Variants in PARPBP observed in about 807,000 individuals in gnomAD.
PARPBP encodes PARP1 binding protein.
In PARPBP, 52 loss-of-function variants were observed where a neutral mutation model predicts 50.0. The ratio of observed to expected loss-of-function variants is 1.04; its 90% CI spans 0.83 to 1.31. The LOEUF is 1.31. PARPBP is among the 50% of genes most tolerant of loss of function. The pLI, the probability that PARPBP is intolerant of heterozygous loss-of-function variation, is 0.00. For synonymous variants in PARPBP, 244 were observed against 232.1 expected (o/e 1.05, Z -0.47); for missense variants, 697 against 672.0 (o/e 1.04, Z -0.41).
At chr12:102,184,028 CAAAATGAGACTCTATCTG>C (rs1452014820) in intron 9 of PARPBP, among the ~76,000 whole-genome samples, 1 of 66,672 alleles carries the variant, frequency 1.5e-5, no homozygotes, top group Non-Finnish European at 2.7e-5. Context: ...GCCTGGGTGA[CAAAATGAGACTCTATCTG>C]AAAAAAAAAA....
At chr12:102,153,242 C>G (rs1886448525) in intron 3 of PARPBP, among the ~76,000 whole-genome samples, 1 of 152,214 alleles carries the variant, frequency 6.6e-6, no homozygotes, top group Admixed American at 6.5e-5. Context: ...AGCCACCCCT[C>G]ACTCCTTCTT....
intron 7 of PARPBP, among the ~76,000 whole-genome samples, chr12:102,178,025 C>CA (rs1430004258): frequency 1.3e-5 from 2 of 152,166 alleles, no homozygotes; most frequent in African/African-American, 4.8e-5. Context: ...TTCTGTAATG[C>CA]AATTGTCAGT....
chr12:102,165,987 A>G (rs750477511), intron 6 of PARPBP, 104 bp downstream of exon 6: 18 of 720,804 alleles, frequency 2.5e-5, no homozygotes, highest in Non-Finnish European at 3.7e-5. Flanking sequence ...CATCAGACCA[A>G]ACGGTGAGGC....
intron 2 of PARPBP, among the ~76,000 whole-genome samples, chr12:102,145,393 A>T (rs1349019516): frequency 6.6e-6 from 1 of 152,174 alleles, no homozygotes; most frequent in Non-Finnish European, 1.5e-5. Context: ...GATACTTAAA[A>T]ATATTTAGTA....
At chr12:102,129,164 A>G (rs759058245) in intron 2 of PARPBP, among the ~76,000 whole-genome samples, 2 of 152,022 alleles carry the variant, frequency 1.3e-5, no homozygotes, top group African/African-American at 2.4e-5. Flanking sequence ...AATTCATTTT[A>G]TTATTTAGAG....
At chr12:102,130,310 A>G (rs1166591597) in intron 2 of PARPBP, among the ~76,000 whole-genome samples, 2 of 152,220 alleles carry the variant, frequency 1.3e-5, no homozygotes, top group South Asian at 2.1e-4. Flanking sequence ...AGGCAATACC[A>G]TTCTGGACAC....
At chr12:102,142,062 A>G (rs1302569732) in intron 2 of PARPBP, among the ~76,000 whole-genome samples, 1 of 152,154 alleles carries the variant, frequency 6.6e-6, no homozygotes, top group Non-Finnish European at 1.5e-5. Context: ...GTTCTCCTGG[A>G]TAATATCCTG....
At chr12:102,130,645 G>A (rs1342980459) in intron 2 of PARPBP, among the ~76,000 whole-genome samples, 1 of 152,076 alleles carries the variant, frequency 6.6e-6, no homozygotes, top group Non-Finnish European at 1.5e-5. Flanking sequence ...CTTGAGGTCA[G>A]GAGTTGAAGA....
chr12:102,151,845 C>T (rs1315392251), intron 3 of PARPBP: 1 of 1,356,384 alleles, frequency 7.4e-7, no homozygotes, highest in Admixed American at 2.0e-5. Flanking sequence ...TTGAAGAAGC[C>T]ACCTGGCACC....
chr12:102,186,203 A>C (rs935852596), intron 9 of PARPBP, among the ~76,000 whole-genome samples: 4 of 151,732 alleles, frequency 2.6e-5, no homozygotes, highest in African/African-American at 9.7e-5. Context: ...TATTTGGGTC[A>C]TCTCTCTTTT....
intron 2 of PARPBP, among the ~76,000 whole-genome samples, chr12:102,146,245 A>G (rs951185650): frequency 3.3e-5 from 5 of 152,134 alleles, no homozygotes; most frequent in South Asian, 4.1e-4. Flanking sequence ...CCAAAAAAGA[A>G]CCCGCATCAC....
intron 2 of PARPBP, among the ~76,000 whole-genome samples, chr12:102,131,862 AT>A (rs1882902143): frequency 6.6e-6 from 1 of 152,164 alleles, no homozygotes. Context: ...GAGGGAGAGG[AT>A]CAGGAAGAAT....
chr12:102,195,362 C>G lies in PARPBP; in HGVS notation c.1314C>G (p.Asp438Glu). The stretch of plus-strand genomic sequence containing the variant: ...AATTTGCTTGTACTTATAAAGATGA[C>G]TACATGATAAGCAAGGATAATTGGA... Reference protein sequence around the residue: ...RSQFACTYKDDYMISKDNWNN... With the variant: ...RSQFACTYKDEYMISKDNWNN... The change falls in exon 10 of 11, where the codon GAC becomes GAG. Residue 438 changes from aspartate to glutamate, a missense_variant. Physicochemically the swap from Asp to Glu is conservative, Grantham distance 45 (BLOSUM62 2). Transcript: ENST00000327680. The G allele has an allele frequency of 6.3e-7, 1 of 1,586,290 alleles. No homozygotes were observed. Among genetic ancestry groups the G allele is most frequent in the Non-Finnish European group, 8.6e-7 (1 of 1,158,488 alleles).
At chr12:102,190,181 G>A (rs550661109) in intron 9 of PARPBP, among the ~76,000 whole-genome samples, 4 of 152,220 alleles carry the variant, frequency 2.6e-5, no homozygotes, top group Non-Finnish European at 5.9e-5. Flanking sequence ...ACCTTATAGA[G>A]TCTGTTCTCT....
At chr12:102,170,689 A>G (rs898471356) in intron 6 of PARPBP, among the ~76,000 whole-genome samples, 1 of 152,204 alleles carries the variant, frequency 6.6e-6, no homozygotes, top group African/African-American at 2.4e-5. Flanking sequence ...AGGCCACACT[A>G]AATTTATAGA....
intron 2 of PARPBP, among the ~76,000 whole-genome samples, chr12:102,141,045 T>C (rs1343815915): frequency 6.6e-6 from 1 of 152,184 alleles, no homozygotes; most frequent in East Asian, 1.9e-4. Flanking sequence ...CCTTATTAAC[T>C]TTCTGTCTTG....
intron 4 of PARPBP, among the ~76,000 whole-genome samples, chr12:102,155,450 GT>G (rs1262652590): frequency 3.3e-5 from 5 of 152,044 alleles, no homozygotes; most frequent in Admixed American, 6.5e-5. Context: ...AGCTGGGAAG[GT>G]GACCGCATCC....
chr12:102,151,494 A>G (rs1306770061), intron 3 of PARPBP: 16 of 971,258 alleles, frequency 1.6e-5, no homozygotes, highest in Admixed American at 8.4e-5. Flanking sequence ...AGATGCATCA[A>G]CATCAGTGAA....
chr12:102,123,498 GT>G lies in PARPBP; in HGVS notation c.-3-373del, dbSNP rs71737241. Among the ~76,000 whole-genome samples the G allele has an allele frequency of 8.2e-3, 1,109 of 135,290 alleles. 12 individuals are homozygous for G. Among genetic ancestry groups the G allele is most frequent in the African/African-American group, 0.024 (894 of 37,182 alleles). 88.8% of individuals were successfully genotyped at this position (135,290 alleles called of 152,430 possible). ...GGATGGGAGGAAATTGGCTTTTTAG[GT>G]TTTTTTTTTTTTTTCCCAATTTATC... is the stretch of plus-strand genomic sequence containing the variant. On this transcript the variant is annotated intron_variant, in intron 1 of 10. Coordinates refer to ENST00000327680, the MANE Select transcript of PARPBP (RefSeq NM_017915.5).
Sources: gnomAD v4.1 joint callset for allele counts (sites outside exome capture counted in the v4.1 genomes callset) on GRCh38, gnomAD v4.1.1 for gene constraint, MANE v1.5 for transcripts, NCBI Gene and HGNC (gene_info 2026-07-23, HGNC 2026-07-21) for gene names.